Variants in NLGN3 observed in about 807,000 individuals in gnomAD.
The protein encoded by NLGN3 is neuroligin 3.
NLGN3 carries 11 observed loss-of-function variants against 42.9 expected under a neutral mutation model. The ratio of observed to expected loss-of-function variants is 0.26; its 90% CI spans 0.16 to 0.42. The LOEUF is 0.42. Among genes scored for constraint, NLGN3 ranks in the 10% least tolerant of loss-of-function variants. The pLI is 1.00. For synonymous variants in NLGN3, 279 were observed against 312.7 expected, an observed-to-expected ratio of 0.89 and a Z score of 1.14; for missense variants, 374 against 733.8, an observed-to-expected ratio of 0.51 and a Z score of 5.67.
At chrX:71,146,124 TTCTCTCTCTCTCTC>T (rs751338166) in intron 1 of NLGN3, among the ~76,000 whole-genome samples, 3 of 49,076 alleles carry the variant, frequency 6.1e-5, no homozygotes, top group Admixed American at 2.5e-4. Flanking sequence ...TTCCTTTTTC[TTCTCTCTCTCTCTC>T]TCTCTCTCTC....
chrX:71,146,172 GACACACACAC>G (rs1168453634), intron 1 of NLGN3, among the ~76,000 whole-genome samples: 108 of 38,181 alleles, frequency 2.8e-3, no homozygotes, highest in East Asian at 0.017. Flanking sequence ...CACACACACA[GACACACACAC>G]ACACACACAC....
intron 7 of NLGN3, among the ~76,000 whole-genome samples, chrX:71,168,861 G>GAAAGAA (rs1556351573): frequency 1.2e-5 from 1 of 86,420 alleles, no homozygotes; most frequent in Non-Finnish European, 2.1e-5. Context: ...AAGAAAGAAA[G>GAAAGAA]AAAGAAAGAG....
At position 71,157,594 on chromosome X, in the gene NLGN3, G is replaced by C. The variant is rs1208915165; in HGVS notation, c.727+2231G>C. Among the ~76,000 whole-genome samples the C allele has an allele frequency of 2.7e-5, 3 of 111,228 alleles. No individual in the cohort carries two copies. The East Asian group carries it at 8.5e-4, about 31-fold the overall frequency. On this transcript the variant is annotated intron_variant, in intron 5 of 7. Coordinates refer to ENST00000358741, the MANE Select transcript of NLGN3 (RefSeq NM_181303.2). Reference sequence around the variant, plus strand: ...CTGCCTCAGCCTCCCAAAGTGCTGGGATTACAGGCATGAGCCACCACGCCT... The same window carrying C: ...CTGCCTCAGCCTCCCAAAGTGCTGGCATTACAGGCATGAGCCACCACGCCT...
chrX:71,155,179 C>G, intron 4 of NLGN3, 35 bp from the exon 5 acceptor site: 1 of 1,209,981 alleles, frequency 8.3e-7, no homozygotes, highest in Non-Finnish European at 1.1e-6. Flanking sequence ...CAAGGGCATC[C>G]CACCCAGCCT....
At chrX:71,154,097 G>T (rs2092400091) in intron 4 of NLGN3, among the ~76,000 whole-genome samples, 1 of 112,616 alleles carries the variant, frequency 8.9e-6, no homozygotes, top group Non-Finnish European at 1.9e-5. Flanking sequence ...GCTGCAGTAG[G>T]TACAAGACAA....
At chrX:71,160,215 T>TTC (rs2092425418) in intron 5 of NLGN3, among the ~76,000 whole-genome samples, 1 of 102,540 alleles carries the variant, frequency 9.8e-6, no homozygotes, top group African/African-American at 3.6e-5. Flanking sequence ...CTTTCTTTCT[T>TTC]TTTTTTTTTT....
At chrX:71,165,730 C>T (rs767361780) in intron 6 of NLGN3, among the ~76,000 whole-genome samples, 2 of 110,635 alleles carry the variant, frequency 1.8e-5, no homozygotes, top group African/African-American at 6.6e-5. Context: ...GACAGGTTTT[C>T]GCCATGTTGC....
chrX:71,173,073 A>G (rs968011297), downstream of NLGN3, among the ~76,000 whole-genome samples: 5 of 109,347 alleles, frequency 4.6e-5, no homozygotes, highest in Non-Finnish European at 9.5e-5. Flanking sequence ...CGGCCTCCCA[A>G]TTGACCTTTT....
In NLGN3 at chrX:71,148,038, C is replaced by T. The variant is rs761085827; in HGVS notation, c.289C>T (p.Arg97Trp). 8.3e-6 allele frequency: 10 copies of T among 1,210,022 alleles called. No homozygotes were observed. The highest frequency in any genetic ancestry group is 1.1e-5 in the Non-Finnish European group (10 of 894,217). ...PEPPPSWSGI[R>W]NATHFPPVCP... The stretch of plus-strand genomic sequence containing the variant: ...ACCACCCCCATCCTGGTCGGGCATC[C>T]GGAACGCCACACACTTTCCCCCAGT... The change falls in exon 2 of 8, where the codon CGG becomes TGG. Residue 97 changes from arginine to tryptophan, a missense_variant. Transcript: ENST00000358741.
chrX:71,171,805 T>C (rs1174857373), downstream of NLGN3: 3 of 186,101 alleles, frequency 1.6e-5, no homozygotes, highest in Non-Finnish European at 1.6e-5. Flanking sequence ...TTGTGATCAG[T>C]GACTCCCTAT....
chrX:71,150,340 G>T (rs2147867236), intron 3 of NLGN3, among the ~76,000 whole-genome samples: 1 of 111,718 alleles, frequency 9.0e-6, no homozygotes, highest in South Asian at 3.7e-4. Flanking sequence ...ATCTGAGGTT[G>T]GTAGGGTACA....
chrX:71,147,641 G>T lies in NLGN3; in HGVS notation c.-109G>T. The T allele has an allele frequency of 1.5e-6, 1 of 670,102 alleles. No homozygotes were observed. Among genetic ancestry groups the T allele is most frequent in the South Asian group, 2.3e-5 (1 of 43,205 alleles). The allele number at this position is 670,102 out of a possible 1,213,427, so 55.2% of individuals were successfully genotyped here. ...TGCTGGGCACCTGTAGGTGTCCCTCGAGAGCTCAGTTTTGAGGTTCAAGTC... is the reference window on the plus strand; with the variant it reads ...TGCTGGGCACCTGTAGGTGTCCCTCTAGAGCTCAGTTTTGAGGTTCAAGTC... On this transcript the variant is annotated 5_prime_UTR_variant, in exon 2 of 8. Coordinates refer to ENST00000358741, the MANE Select transcript of NLGN3 (RefSeq NM_181303.2).
At chrX:71,153,929 G>C (rs1283288099) in intron 4 of NLGN3, among the ~76,000 whole-genome samples, 1 of 111,922 alleles carries the variant, frequency 8.9e-6, no homozygotes, top group African/African-American at 3.3e-5. Flanking sequence ...TTTCAGTGAA[G>C]AGACCCCTGT....
intron 7 of NLGN3, among the ~76,000 whole-genome samples, chrX:71,168,814 GAA>G (rs200152352): frequency 0.014 from 551 of 40,469 alleles, 8 homozygotes; most frequent in African/African-American, 0.032. Context: ...GAAAGAAAGA[GAA>G]AAAAAAAAGA....
chrX:71,160,538 T>C (rs750407550), intron 5 of NLGN3, among the ~76,000 whole-genome samples: 28 of 112,180 alleles, frequency 2.5e-4, no homozygotes, highest in Non-Finnish European at 4.7e-4. Context: ...TTTCTAGATA[T>C]CTTGGGTGAT....
chrX:71,156,404 C>T (rs1166143083), intron 5 of NLGN3, among the ~76,000 whole-genome samples: 1 of 110,467 alleles, frequency 9.1e-6, no homozygotes, highest in Admixed American at 9.7e-5. Flanking sequence ...CCCACACATA[C>T]ACAGATACTA....
At chrX:71,168,953 G>T (rs952975924) in intron 7 of NLGN3, among the ~76,000 whole-genome samples, 8 of 109,967 alleles carry the variant, frequency 7.3e-5, no homozygotes, top group Non-Finnish European at 1.9e-5. Context: ...AAAAGAAAGA[G>T]GCTTTATTAG....
downstream of NLGN3, among the ~76,000 whole-genome samples, chrX:71,172,655 T>TGTGTGA (rs1491241975): frequency 2.8e-5 from 3 of 107,130 alleles, no homozygotes; most frequent in East Asian, 2.9e-4. Context: ...TGTGTGTGTG[T>TGTGTGA]GAGATCTAGA....
chrX:71,159,718 TTTC>T (rs1356419974), intron 5 of NLGN3, among the ~76,000 whole-genome samples: 1 of 72,617 alleles, frequency 1.4e-5, no homozygotes, highest in Non-Finnish European at 2.3e-5. Flanking sequence ...GCTTGGGAAT[TTTC>T]TTTTCTTTTT....
Sources: gnomAD v4.1 joint callset for allele counts (sites outside exome capture counted in the v4.1 genomes callset) on GRCh38, gnomAD v4.1.1 for gene constraint, MANE v1.5 for transcripts, NCBI Gene and HGNC (gene_info 2026-07-23, HGNC 2026-07-21) for gene names.